Variants in AR observed in about 807,000 individuals in gnomAD.
The protein encoded by AR is androgen receptor.
A neutral mutation model predicts 53.9 loss-of-function variants in AR; 8 were observed. That is an observed-to-expected ratio of 0.15 (90% CI 0.09 to 0.27). AR has a LOEUF of 0.27. Among genes scored for constraint, AR ranks in the 10% least tolerant of loss-of-function variants. The probability of loss-of-function intolerance (pLI) is 1.00; values close to 1 mark genes in which losing one functional copy is unlikely to be tolerated. For synonymous variants in AR, 359 were observed against 316.4 expected (o/e 1.13, Z -1.43); for missense variants, 639 against 742.5 (o/e 0.86, Z 1.62).
intron 3 of AR, among the ~76,000 whole-genome samples, chrX:67,704,264 A>G (rs1296677491): frequency 8.9e-6 from 1 of 112,131 alleles, no homozygotes; most frequent in Non-Finnish European, 1.9e-5. Flanking sequence ...TCCCACCAAC[A>G]GTGTAAAAGT....
chrX:67,673,471 ATTTT>A (rs34317430), intron 2 of AR, among the ~76,000 whole-genome samples: 45 of 68,458 alleles, frequency 6.6e-4, no homozygotes, highest in African/African-American at 2.2e-3. Flanking sequence ...ATTGTTTGCT[ATTTT>A]TTTTTTTTTT....
In AR at chrX:67,615,079, G is replaced by T. The variant is rs1924052395; in HGVS notation, c.1617-28177G>T. On this transcript the variant is annotated intron_variant, in intron 1 of 7. Transcript: ENST00000374690. ...AAAGAAAAAAAGAATGAAGAAAACT[G>T]AAGATTCCCAAAGAAATGTAGGACA... Among the ~76,000 whole-genome samples, 4 of 110,221 alleles carry T rather than the reference G, an allele frequency of 3.6e-5. No individual in the cohort carries two copies. The South Asian group carries it at 1.5e-3, about 42-fold the overall frequency.
rs113983339 is a variant in AR, at chrX:67,546,175, T to C, written c.1029T>C (p.Ser343=). ...GCTCCGGGACACTTGAACTGCCGTC[T>C]ACCCTGTCTCTCTACAAGTCCGGAG... The part of the protein sequence containing the change: ...AGSSGTLELP[S]TLSLYKSGAL... The change falls in exon 1 of 8, where the codon TCT becomes TCC. Residue 343 remains serine (S), a synonymous_variant. Transcript: ENST00000374690. The C allele has an allele frequency of 8.4e-4, 1,014 of 1,211,082 alleles. 6 individuals carry two copies. In the African/African-American group the frequency reaches 0.016, roughly 19 times the overall value.
intron 1 of AR, among the ~76,000 whole-genome samples, chrX:67,605,014 C>T (rs934676939): frequency 8.9e-6 from 1 of 112,333 alleles, no homozygotes; most frequent in African/African-American, 3.2e-5. Context: ...ACAATATTAG[C>T]TTATTCAACC....
intron 1 of AR, among the ~76,000 whole-genome samples, chrX:67,640,239 T>A (rs1251449486): frequency 1.8e-5 from 2 of 111,320 alleles, no homozygotes; most frequent in Non-Finnish European, 3.8e-5. Flanking sequence ...TTATTGAGGA[T>A]TTTTGCACTG....
At chrX:67,664,049 T>C (rs1219254394) in intron 2 of AR, among the ~76,000 whole-genome samples, 1 of 111,895 alleles carries the variant, frequency 8.9e-6, no homozygotes, top group Non-Finnish European at 1.9e-5. Flanking sequence ...TTTTAACTTC[T>C]TTGCCATGCG....
intron 2 of AR, among the ~76,000 whole-genome samples, chrX:67,685,242 C>T (rs991213725): frequency 4.5e-5 from 5 of 111,665 alleles, no homozygotes; most frequent in African/African-American, 1.6e-4. Flanking sequence ...ATTGTGCTAG[C>T]GTAAAGGAGC....
chrX:67,719,602 G>A (rs1337802111), intron 5 of AR, among the ~76,000 whole-genome samples: 1 of 111,942 alleles, frequency 8.9e-6, no homozygotes, highest in African/African-American at 3.2e-5. Context: ...AGCTCTCAGG[G>A]TGTCTACAAA....
intron 1 of AR, among the ~76,000 whole-genome samples, chrX:67,575,464 G>A (rs182712146): frequency 3.3e-4 from 37 of 111,706 alleles, no homozygotes; most frequent in Admixed American, 7.6e-4. Context: ...GTATGGAATC[G>A]TATGATATGC....
chrX:67,625,642 A>G (rs1357882037), intron 1 of AR, among the ~76,000 whole-genome samples: 1 of 111,652 alleles, frequency 9.0e-6, no homozygotes, highest in East Asian at 2.8e-4. Context: ...TTGCTAAGAC[A>G]TTTCAATGAG....
At chrX:67,565,417 T>TCC (rs1368350518) in intron 1 of AR, among the ~76,000 whole-genome samples, 1 of 111,622 alleles carries the variant, frequency 9.0e-6, no homozygotes, top group Non-Finnish European at 1.9e-5. Flanking sequence ...GCTGGCTTTG[T>TCC]TATAGTTAGT....
chrX:67,601,361 T>C (rs185603548), intron 1 of AR, among the ~76,000 whole-genome samples: 1 of 111,887 alleles, frequency 8.9e-6, no homozygotes, highest in African/African-American at 3.2e-5. Context: ...ATTTTATGTC[T>C]CCCAAGGAGA....
chrX:67,721,454 C>T (rs1373215888), intron 5 of AR, among the ~76,000 whole-genome samples: 2 of 111,670 alleles, frequency 1.8e-5, no homozygotes, highest in African/African-American at 3.3e-5. Flanking sequence ...CTCATTCTGG[C>T]TGTAGCTGAG....
rs752766353 is a variant in AR, at chrX:67,728,228, G to A, written c.*4387G>A. The A allele has an allele frequency of 5.5e-5, 9 of 164,809 alleles. No homozygotes were observed. The highest frequency in any genetic ancestry group is 3.5e-4 in the South Asian group (1 of 2,894). 13.6% of individuals were successfully genotyped at this position (164,809 alleles called of 1,213,427 possible). A position where few individuals can be genotyped will look rare whatever the true frequency, so the allele number is the denominator to read the frequency against. On this transcript the variant is annotated 3_prime_UTR_variant, in exon 8 of 8. Coordinates refer to ENST00000374690, the MANE Select transcript of AR (RefSeq NM_000044.6). ...GTTTAGAAGAATTGAAAATAATTTC[G>A]GGAAAATGGGATTATGGGTCCTTCA...
chrX:67,614,864 C>T (rs1161139273), intron 1 of AR, among the ~76,000 whole-genome samples: 1 of 109,391 alleles, frequency 9.1e-6, no homozygotes, highest in African/African-American at 3.3e-5. Context: ...AATTTCTTGT[C>T]AAGTAGAGAA....
rs140323582 is a variant in AR, at chrX:67,624,904, C to CAAAAAAAAAAAAAAA, written c.1617-18336_1617-18322dup. Reference sequence around the variant, plus strand: ...GTAGATTCAAGTCAAGGCAATTAGGCAAAAAAAAAAAAAAAAAAAAAAAAA... The same window carrying CAAAAAAAAAAAAAAA: ...GTAGATTCAAGTCAAGGCAATTAGGCAAAAAAAAAAAAAAAAAAAAAAAAAAAAAAAAAAAAAAAA... On this transcript the variant is annotated intron_variant, in intron 1 of 7. Coordinates refer to ENST00000374690, the MANE Select transcript of AR (RefSeq NM_000044.6). Among the ~76,000 whole-genome samples the CAAAAAAAAAAAAAAA allele has an allele frequency of 1.6e-4, 3 of 18,184 alleles. 1 individual carries two copies. The highest frequency in any genetic ancestry group is 2.3e-4 in the Non-Finnish European group (3 of 12,912). 15.8% of individuals were successfully genotyped at this position (18,184 alleles called of 115,157 possible).
intron 3 of AR, among the ~76,000 whole-genome samples, chrX:67,711,085 GTTAA>G (rs1213185436): frequency 1.8e-5 from 2 of 111,889 alleles, no homozygotes; most frequent in Non-Finnish European, 3.8e-5. Context: ...TAGTAAATAC[GTTAA>G]TTAAAGTTCC....
At chrX:67,704,873 G>C (rs1174281380) in intron 3 of AR, among the ~76,000 whole-genome samples, 1 of 112,044 alleles carries the variant, frequency 8.9e-6, no homozygotes, top group African/African-American at 3.2e-5. Flanking sequence ...TGGCTAACCA[G>C]TTTTCACAGC....
At chrX:67,613,858 A>G (rs1425983132) in intron 1 of AR, among the ~76,000 whole-genome samples, 4 of 112,264 alleles carry the variant, frequency 3.6e-5, no homozygotes, top group Non-Finnish European at 7.5e-5. Flanking sequence ...TTGAAAAGCA[A>G]CTAGAGAGAT....
Sources: allele counts gnomAD v4.1 joint callset (sites outside exome capture counted in the v4.1 genomes callset), GRCh38; gene constraint gnomAD v4.1.1; transcripts MANE v1.5; gene names NCBI Gene and HGNC (gene_info 2026-07-23, HGNC 2026-07-21).